The following PTPRA variants were observed in gnomAD, a reference collection of about 807,000 sequenced individuals.
PTPRA encodes the protein receptor-type tyrosine-protein phosphatase alpha.
Under a neutral mutation model 104.8 loss-of-function variants are expected in PTPRA, and 25 were observed. The observed-to-expected ratio is 0.24, with a 90% CI of 0.17 to 0.33. The LOEUF (loss-of-function observed/expected upper bound fraction) is 0.33. PTPRA is among the 10% of genes least tolerant of loss of function. The pLI is 1.00. For synonymous variants in PTPRA, 323 were observed against 368.9 expected (o/e 0.88, Z 1.43); for missense variants, 765 against 1,015.3 (o/e 0.75, Z 3.35).
intron 6 of PTPRA, 44 bp from the exon 7 acceptor site, chr20:2,986,721 A>G (rs2062926251): frequency 1.3e-6 from 2 of 1,540,938 alleles, no homozygotes; most frequent in African/African-American, 1.4e-5. Flanking sequence ...TAAGCCCTCC[A>G]TTGCACAACA....
chr20:3,001,671 C>T (rs902172343), intron 9 of PTPRA, among the ~76,000 whole-genome samples: 5 of 152,160 alleles, frequency 3.3e-5, no homozygotes, highest in African/African-American at 4.8e-5. Context: ...GTCTCTACTG[C>T]GTGTGTAAGA....
chr20:2,883,037 C>T (rs1232010806), intron 1 of PTPRA, among the ~76,000 whole-genome samples: 31 of 139,976 alleles, frequency 2.2e-4, no homozygotes, highest in Admixed American at 1.8e-3. Context: ...CAGGCTGGAG[C>T]GCAGTGGCAT....
At chr20:2,923,483 A>G (rs1027014796) in intron 2 of PTPRA, among the ~76,000 whole-genome samples, 198 bp downstream of exon 2, 7 of 151,522 alleles carry the variant, frequency 4.6e-5, no homozygotes, top group Admixed American at 2.6e-4. Context: ...TCACTTGAAG[A>G]GCTTTTTTTT....
intron 6 of PTPRA, among the ~76,000 whole-genome samples, chr20:2,982,182 CTG>C (rs2062704410): frequency 6.6e-6 from 1 of 151,404 alleles, no homozygotes; most frequent in Admixed American, 6.6e-5. Flanking sequence ...CCTCCGCCTC[CTG>C]GGTACAAGCG....
At chr20:2,883,052 A>T (rs556229582) in intron 1 of PTPRA, among the ~76,000 whole-genome samples, 1 of 144,252 alleles carries the variant, frequency 6.9e-6, no homozygotes, top group Admixed American at 7.2e-5. Context: ...TGGCATGATC[A>T]TGGCTCATTG....
chr20:3,005,195 G>T lies in PTPRA; in HGVS notation c.829+49G>T, dbSNP rs574833550. The T allele has an allele frequency of 7.6e-5, 114 of 1,492,140 alleles. No homozygotes were observed. In the South Asian group the frequency reaches 1.3e-3, roughly 16 times the overall value. The allele number at this position is 1,492,140 out of a possible 1,614,324, so 92.4% of individuals were successfully genotyped here. A position where few individuals can be genotyped will look rare whatever the true frequency, so the allele number is the denominator to read the frequency against. On this transcript the variant is annotated intron_variant, in intron 10 of 23. Coordinates refer to ENST00000399903, the MANE Select transcript of PTPRA (RefSeq NM_001385305.1). ...GGATGTAACCTGAAATTACATCTCT[G>T]GAGGGATTTTCTGAAGATGGAAAGA...
chr20:3,022,933 G>C lies in PTPRA; in HGVS notation c.1464+109G>C, dbSNP rs2064950799. 3 of 1,490,966 alleles carry C rather than the reference G, an allele frequency of 2.0e-6. No individual in the cohort carries two copies. The highest frequency in any genetic ancestry group is 2.6e-5 in the South Asian group (2 of 77,276). 92.4% of individuals were successfully genotyped at this position (1,490,966 alleles called of 1,614,324 possible). A position where few individuals can be genotyped will look rare whatever the true frequency, so the allele number is the denominator to read the frequency against. On this transcript the variant is annotated intron_variant, in intron 16 of 23. Coordinates refer to ENST00000399903, the MANE Select transcript of PTPRA (RefSeq NM_001385305.1). This position sits in a 1 kb window ranked among gnomAD's most constrained non-coding sequence, Gnocchi z 4.6. ...GGTTATTGTAAATGATTACTATAGA[G>C]TGTGATTGTGGGGGAAAGAAAGATA...
At chr20:2,866,871 G>A in the PTPRA span, 6 of 385,450 alleles carry the variant, frequency 1.6e-5, no homozygotes, top group East Asian at 4.6e-5. Flanking sequence ...CGCAAGAAAC[G>A]TGTCCTCTCC....
At chr20:2,885,850 G>A (rs2090352328) in intron 1 of PTPRA, among the ~76,000 whole-genome samples, 2 of 152,194 alleles carry the variant, frequency 1.3e-5, no homozygotes, top group South Asian at 4.1e-4. Flanking sequence ...TGGATCATGA[G>A]GTCAGGAGTT....
chr20:2,903,628 T>C (rs1164816077), intron 1 of PTPRA, among the ~76,000 whole-genome samples: 6 of 151,964 alleles, frequency 3.9e-5, no homozygotes, highest in African/African-American at 1.2e-4. Flanking sequence ...TTTGAGGCTG[T>C]GGTGAGCCAT....
intron 1 of PTPRA, among the ~76,000 whole-genome samples, chr20:2,897,276 G>A (rs2059036536): frequency 6.6e-6 from 1 of 151,144 alleles, no homozygotes; most frequent in Non-Finnish European, 1.5e-5. Flanking sequence ...TTGCTTGCTA[G>A]TTTTACCATC....
chr20:2,960,621 C>T (rs117731947), intron 3 of PTPRA, among the ~76,000 whole-genome samples: 2,334 of 152,008 alleles, frequency 0.015, 124 homozygotes, highest in Admixed American at 0.09. Context: ...ACTGAAGCGT[C>T]GACCTCCCAG....
chr20:3,026,968 A>G (rs1262045648), intron 18 of PTPRA, among the ~76,000 whole-genome samples, 153 bp from the exon 19 acceptor site: 6 of 152,186 alleles, frequency 3.9e-5, no homozygotes, highest in Admixed American at 3.9e-4. Context: ...GAAATAACGT[A>G]AAAGCCAAAG....
In PTPRA at chr20:2,982,240, G is replaced by C. The variant is rs571235261; in HGVS notation, c.443-4525G>C. 2.6e-5 allele frequency among the ~76,000 whole-genome samples: 4 copies of C among 151,952 alleles called. No homozygotes were observed. In the East Asian group the frequency reaches 7.8e-4, roughly 29 times the overall value. ...TGAGTAGCTGGGACCAGAGGGGTGT[G>C]CCACCACACCCGCTAATTTTGTATT... On this transcript the variant is annotated intron_variant, in intron 6 of 23. Coordinates refer to ENST00000399903, the MANE Select transcript of PTPRA (RefSeq NM_001385305.1).
chr20:2,959,648 G>C (rs2061675811), intron 3 of PTPRA, among the ~76,000 whole-genome samples: 1 of 152,032 alleles, frequency 6.6e-6, no homozygotes, highest in Non-Finnish European at 1.5e-5. Flanking sequence ...CAGCAAAATT[G>C]ATCAAAAAGT....
intron 1 of PTPRA, among the ~76,000 whole-genome samples, chr20:2,916,264 C>A (rs1478538499): frequency 3.9e-5 from 6 of 152,146 alleles, no homozygotes; most frequent in Admixed American, 1.3e-4. Flanking sequence ...TGGTCTTAAA[C>A]TCCTGGGCTC....
At chr20:2,996,950 A>G (rs1316041684) in intron 9 of PTPRA, among the ~76,000 whole-genome samples, 1 of 152,216 alleles carries the variant, frequency 6.6e-6, no homozygotes, top group Non-Finnish European at 1.5e-5. Context: ...GAGATTCTTA[A>G]CAGAAAAAGC....
At position 3,027,762 on chromosome 20, in the gene PTPRA, T is replaced by C. The variant is rs1278054383; in HGVS notation, c.1841T>C (p.Ile614Thr). The change falls in exon 20 of 24, where the codon ATT becomes ACT. Residue 614 changes from isoleucine to threonine, a missense_variant. By Grantham distance (89) the Ile-to-Thr change is moderately conservative. Coordinates refer to ENST00000399903, the MANE Select transcript of PTPRA (RefSeq NM_001385305.1). ...IASQGPLLHT[I>T]EDFWRMIWEW... ...AGCCAGGGCCCTCTTCTCCACACAA[T>C]TGAGGACTTCTGGCGAATGATCTGG... 3.7e-6 allele frequency: 6 copies of C among 1,614,058 alleles called. No homozygotes were observed. The highest frequency in any genetic ancestry group is 2.2e-5 in the South Asian group (2 of 91,068).
intron 1 of PTPRA, among the ~76,000 whole-genome samples, chr20:2,916,948 T>C (rs1230476306): frequency 7.2e-6 from 1 of 139,682 alleles, no homozygotes; most frequent in African/African-American, 2.7e-5. Flanking sequence ...TTAGGATCAG[T>C]TTTTTTATTT....
Sources: allele counts gnomAD v4.1 joint callset (sites outside exome capture counted in the v4.1 genomes callset), GRCh38; gene constraint gnomAD v4.1.1; non-coding constraint Gnocchi (gnomAD v3.1); transcripts MANE v1.5; gene names NCBI Gene and HGNC (gene_info 2026-07-23, HGNC 2026-07-21).